Variants in EIPR1 observed in about 807,000 individuals in gnomAD.
The protein encoded by EIPR1 is EARP and GARP complex-interacting protein 1.
In EIPR1, 25 loss-of-function variants were observed where a neutral mutation model predicts 48.1. That is an observed-to-expected ratio of 0.52 (90% CI 0.38 to 0.73). The LOEUF (loss-of-function observed/expected upper bound fraction) is 0.73. Ranked by LOEUF, EIPR1 falls within the 30% of genes least tolerant of loss-of-function variation. The pLI is 0.00. For synonymous variants in EIPR1, 204 were observed against 201.9 expected, an observed-to-expected ratio of 1.01 and a Z score of -0.09; for missense variants, 415 against 506.2, an observed-to-expected ratio of 0.82 and a Z score of 1.73.
At position 3,337,007 on chromosome 2, in the gene EIPR1, G is replaced by A. The variant is rs1172890727; in HGVS notation, c.259+1010C>T. 1.4e-5 allele frequency among the ~76,000 whole-genome samples: 2 copies of A among 140,572 alleles called. 1 individual carries two copies. The allele number at this position is 140,572 out of a possible 152,430, so 92.2% of individuals were successfully genotyped here. ...GGGAAAGGAAGAAGGAAGGGAAAGG[G>A]AAGGGAAAAGGGAAAAGGGAAGGGA... On this transcript the variant is annotated intron_variant, in intron 3 of 8. Coordinates refer to ENST00000382125, the MANE Select transcript of EIPR1 (RefSeq NM_003310.5).
chr2:3,314,675 C>T (rs1338453627), intron 3 of EIPR1, among the ~76,000 whole-genome samples: 1 of 151,904 alleles, frequency 6.6e-6, no homozygotes, highest in East Asian at 1.9e-4. Flanking sequence ...CCCCTGGGAC[C>T]TTCTGAAGGA....
intron 1 of EIPR1, among the ~76,000 whole-genome samples, chr2:3,354,856 TG>T (rs1292481272): frequency 6.6e-6 from 1 of 152,212 alleles, no homozygotes; most frequent in African/African-American, 2.4e-5. Flanking sequence ...TCATTGTAAA[TG>T]GGTACAAAAT....
chr2:3,238,789 G>A (rs1666499162), intron 4 of EIPR1, among the ~76,000 whole-genome samples: 2 of 152,194 alleles, frequency 1.3e-5, no homozygotes, highest in South Asian at 2.1e-4. Context: ...GAGGCCAACT[G>A]GCCACATCAT....
At chr2:3,323,685 C>A (rs1001091611) in intron 3 of EIPR1, among the ~76,000 whole-genome samples, 1 of 152,162 alleles carries the variant, frequency 6.6e-6, no homozygotes, top group Non-Finnish European at 1.5e-5. Context: ...GCTATGGTGG[C>A]AAGACGTGAA....
At chr2:3,290,243 G>A (rs1317826279) in intron 3 of EIPR1, among the ~76,000 whole-genome samples, 1 of 152,224 alleles carries the variant, frequency 6.6e-6, no homozygotes, top group African/African-American at 2.4e-5. Flanking sequence ...GAATGCTGCC[G>A]GGAGCAGAAT....
intron 3 of EIPR1, among the ~76,000 whole-genome samples, chr2:3,334,832 C>A (rs1265856435): frequency 6.6e-6 from 1 of 152,248 alleles, no homozygotes; most frequent in Non-Finnish European, 1.5e-5. Context: ...AAATACTTAA[C>A]AGAAGATCTA....
At chr2:3,289,843 T>C (rs1015205651) in intron 3 of EIPR1, among the ~76,000 whole-genome samples, 1 of 152,236 alleles carries the variant, frequency 6.6e-6, no homozygotes, top group Admixed American at 6.5e-5. Context: ...CAGTGCTACA[T>C]GCTTGCTCAG....
intron 3 of EIPR1, among the ~76,000 whole-genome samples, chr2:3,295,701 G>GCA (rs1668550376): frequency 1.4e-5 from 1 of 71,484 alleles, no homozygotes; most frequent in Admixed American, 1.8e-4. Flanking sequence ...TCCTCTCTCT[G>GCA]CACACCCTCC....
chr2:3,274,373 C>T (rs989633140), intron 3 of EIPR1: 4 of 1,550,520 alleles, frequency 2.6e-6, no homozygotes, highest in Non-Finnish European at 3.5e-6. Context: ...GGGCAGCTGA[C>T]TTCCCAAGAG....
chr2:3,191,240 G>A (rs1228638470), intron 8 of EIPR1, among the ~76,000 whole-genome samples: 16 of 117,494 alleles, frequency 1.4e-4, no homozygotes, highest in African/African-American at 5.4e-4. Flanking sequence ...AATCAGATGG[G>A]CCCATCGCCA....
chr2:3,230,509 T>C (rs775531794), intron 4 of EIPR1, among the ~76,000 whole-genome samples: 1 of 152,226 alleles, frequency 6.6e-6, no homozygotes, highest in Non-Finnish European at 1.5e-5. Context: ...TTTCCACTTG[T>C]GGCATCATAT....
intron 4 of EIPR1, among the ~76,000 whole-genome samples, chr2:3,242,727 G>C (rs1316570856): frequency 6.6e-6 from 1 of 152,234 alleles, no homozygotes; most frequent in East Asian, 1.9e-4. Flanking sequence ...CAATGATGGT[G>C]ATTATGTCAT....
At chr2:3,254,281 C>T (rs543395112) in intron 4 of EIPR1, among the ~76,000 whole-genome samples, 130 of 152,302 alleles carry the variant, frequency 8.5e-4, no homozygotes, top group African/African-American at 2.4e-3. Flanking sequence ...GGAGCCCTCA[C>T]GCTCTGTCAT....
chr2:3,346,775 G>A (rs1340413940), intron 2 of EIPR1, among the ~76,000 whole-genome samples: 7 of 152,222 alleles, frequency 4.6e-5, no homozygotes, highest in Non-Finnish European at 7.3e-5. Flanking sequence ...CTGTTTGTAG[G>A]AGAGATCAGG....
chr2:3,250,620 T>C (rs1335185184), intron 4 of EIPR1, among the ~76,000 whole-genome samples: 1 of 152,182 alleles, frequency 6.6e-6, no homozygotes, highest in Admixed American at 6.5e-5. Context: ...GTTTGAATGT[T>C]AGTCCCCTCC....
intron 4 of EIPR1, among the ~76,000 whole-genome samples, chr2:3,225,936 G>T (rs148647774): frequency 1.3e-5 from 2 of 152,172 alleles, no homozygotes; most frequent in African/African-American, 2.4e-5. Context: ...TGTCCTCCAG[G>T]TTCGTCCATA....
At chr2:3,274,351 C>T (rs1178087430) in intron 3 of EIPR1, 1 of 1,550,482 alleles carries the variant, frequency 6.4e-7, no homozygotes, top group Non-Finnish European at 8.7e-7. Flanking sequence ...GTTGCCAGTG[C>T]TATGAACAGT....
chr2:3,340,240 C>G (rs574268478), intron 2 of EIPR1, among the ~76,000 whole-genome samples: 77 of 152,364 alleles, frequency 5.1e-4, no homozygotes, highest in African/African-American at 1.8e-3. Context: ...GGAATTCATA[C>G]CCAGCCAGTG....
chr2:3,314,865 G>C (rs1386389186), intron 3 of EIPR1, among the ~76,000 whole-genome samples: 1 of 151,828 alleles, frequency 6.6e-6, no homozygotes, highest in Non-Finnish European at 1.5e-5. Context: ...TGCCCCACGG[G>C]CTCTGCCTGG....
Sources: allele counts gnomAD v4.1 joint callset (sites outside exome capture counted in the v4.1 genomes callset), GRCh38; gene constraint gnomAD v4.1.1; transcripts MANE v1.5; gene names NCBI Gene and HGNC (gene_info 2026-07-23, HGNC 2026-07-21).